Variants in GALNT13 observed in about 807,000 individuals in gnomAD.
The protein encoded by GALNT13 is UDP-GalNAc:polypeptide N-acetylgalactosaminyltransferase 13.
Under a neutral mutation model 64.2 loss-of-function variants are expected in GALNT13, and 28 were observed. The ratio of observed to expected loss-of-function variants is 0.44; its 90% CI spans 0.32 to 0.60. The LOEUF (loss-of-function observed/expected upper bound fraction) is 0.60, where lower values mean the gene tolerates loss of function less well. GALNT13 is among the 20% of genes least tolerant of loss of function. The probability of loss-of-function intolerance (pLI) is 0.05; values close to 1 mark genes in which losing one functional copy is unlikely to be tolerated. For synonymous variants in GALNT13, 214 were observed against 224.6 expected (o/e 0.95, Z 0.42); for missense variants, 577 against 669.8 (o/e 0.86, Z 1.53).
the GALNT13 span, among the ~76,000 whole-genome samples, chr2:153,217,899 T>C: frequency 6.6e-6 from 1 of 152,210 alleles, no homozygotes; most frequent in Non-Finnish European, 1.5e-5. Context: ...TTTTCATTTT[T>C]ATTATATATG....
chr2:154,033,158 T>G (rs927705355), intron 3 of GALNT13, among the ~76,000 whole-genome samples: 1 of 151,936 alleles, frequency 6.6e-6, no homozygotes, highest in Non-Finnish European at 1.5e-5. Context: ...AGACCCATGA[T>G]TCACACCTTA....
At chr2:154,123,430 G>T (rs987048320) in intron 3 of GALNT13, among the ~76,000 whole-genome samples, 2 of 151,888 alleles carry the variant, frequency 1.3e-5, no homozygotes, top group Non-Finnish European at 2.9e-5. Context: ...TGACAAAATA[G>T]ACACTCCTAT....
At chr2:154,124,766 T>C (rs555643907) in intron 3 of GALNT13, among the ~76,000 whole-genome samples, 52 of 152,250 alleles carry the variant, frequency 3.4e-4, no homozygotes, top group Non-Finnish European at 2.6e-4. Flanking sequence ...CGATTAAGAA[T>C]ATATTGTGCT....
At chr2:153,747,179 T>C in the GALNT13 span, among the ~76,000 whole-genome samples, 19 of 152,280 alleles carry the variant, frequency 1.2e-4, no homozygotes, top group African/African-American at 4.8e-5. Flanking sequence ...GGGATATCCA[T>C]CTGCTCAAGA....
chr2:154,046,924 C>A (rs181888315), intron 3 of GALNT13, among the ~76,000 whole-genome samples: 290 of 111,792 alleles, frequency 2.6e-3, no homozygotes, highest in South Asian at 0.012. Context: ...GTTGTTTAGG[C>A]CACTTAGTCT....
the GALNT13 span, among the ~76,000 whole-genome samples, chr2:153,088,935 A>G: frequency 3.9e-5 from 6 of 152,108 alleles, no homozygotes; most frequent in East Asian, 1.9e-4. Context: ...GCCGGTGTGT[A>G]TCTTTAAAGT....
At chr2:154,234,497 A>G (rs576519265) in intron 4 of GALNT13, among the ~76,000 whole-genome samples, 53 of 152,228 alleles carry the variant, frequency 3.5e-4, no homozygotes, top group African/African-American at 1.3e-3. Context: ...TCTTGTTCCA[A>G]TATGTCCAAA....
chr2:154,277,420 A>G (rs185861226), intron 8 of GALNT13, among the ~76,000 whole-genome samples: 56 of 152,000 alleles, frequency 3.7e-4, no homozygotes, highest in African/African-American at 1.3e-3. Context: ...GACTGCAATA[A>G]ATGTGCAACA....
At chr2:153,105,580 A>G in the GALNT13 span, among the ~76,000 whole-genome samples, 1 of 152,170 alleles carries the variant, frequency 6.6e-6, no homozygotes, top group African/African-American at 2.4e-5. Flanking sequence ...AGGAAGTCAA[A>G]TTGTCCCTGT....
intron 4 of GALNT13, among the ~76,000 whole-genome samples, chr2:154,146,604 C>T (rs772104375): frequency 2.0e-5 from 3 of 151,980 alleles, no homozygotes; most frequent in Non-Finnish European, 4.4e-5. Context: ...AAAGCAGGCA[C>T]AGGAAACCTC....
At chr2:154,022,287 C>G (rs1340296747) in intron 3 of GALNT13, among the ~76,000 whole-genome samples, 4 of 152,158 alleles carry the variant, frequency 2.6e-5, no homozygotes, top group Admixed American at 2.6e-4. Context: ...GGTACCAGCT[C>G]TTCTTTTTAT....
the GALNT13 span, among the ~76,000 whole-genome samples, chr2:153,251,381 A>G: frequency 6.6e-6 from 1 of 152,168 alleles, no homozygotes; most frequent in Non-Finnish European, 1.5e-5. Flanking sequence ...TCATCCATAG[A>G]CAATTGTCGT....
intron 3 of GALNT13, among the ~76,000 whole-genome samples, chr2:154,012,760 C>CT (rs1696736496): frequency 2.0e-5 from 3 of 151,940 alleles, no homozygotes; most frequent in African/African-American, 7.3e-5. Flanking sequence ...TTTGTTCATT[C>CT]TTTTTTATTT....
intron 11 of GALNT13, among the ~76,000 whole-genome samples, chr2:154,428,139 G>C (rs1039899579): frequency 6.6e-6 from 1 of 152,098 alleles, no homozygotes; most frequent in Admixed American, 6.6e-5. Context: ...AATACCTAAA[G>C]AGATCTCCCA....
At chr2:153,645,078 C>T in the GALNT13 span, among the ~76,000 whole-genome samples, 1 of 152,096 alleles carries the variant, frequency 6.6e-6, no homozygotes, top group African/African-American at 2.4e-5. Flanking sequence ...TATTGTGAAA[C>T]ATTTTCCCTA....
chr2:153,853,411 T>A, the GALNT13 span, among the ~76,000 whole-genome samples: 1 of 152,160 alleles, frequency 6.6e-6, no homozygotes, highest in Admixed American at 6.5e-5. Flanking sequence ...AATAGCACCC[T>A]TATTTATAAT....
intron 3 of GALNT13, among the ~76,000 whole-genome samples, chr2:154,112,807 T>C (rs1703061534): frequency 6.6e-6 from 1 of 152,152 alleles, no homozygotes; most frequent in African/African-American, 2.4e-5. Context: ...TGTCCTAGTT[T>C]TCTCTTTCTC....
downstream of GALNT13, among the ~76,000 whole-genome samples, chr2:154,456,191 T>TTTGTTGTTG (rs70983725): frequency 9.2e-3 from 1,346 of 146,334 alleles, 18 homozygotes; most frequent in African/African-American, 0.025. Context: ...TTTGTTTTGT[T>TTTGTTGTTG]TTGTTGTTGT....
chr2:153,251,950 T>C, the GALNT13 span, among the ~76,000 whole-genome samples: 4 of 151,930 alleles, frequency 2.6e-5, no homozygotes. Context: ...TGTGTCTTTA[T>C]AGCAGCATGA....
Sources: gnomAD v4.1 joint callset for allele counts (sites outside exome capture counted in the v4.1 genomes callset) on GRCh38, gnomAD v4.1.1 for gene constraint, MANE v1.5 for transcripts, NCBI Gene and HGNC (gene_info 2026-07-23, HGNC 2026-07-21) for gene names.